BTG4: variants seen among roughly 807,000 people sequenced by gnomAD.
BTG4 encodes the protein protein BTG4.
A neutral mutation model predicts 19.3 loss-of-function variants in BTG4; 10 were observed. The ratio of observed to expected loss-of-function variants is 0.52; its 90% CI spans 0.32 to 0.88. The LOEUF (loss-of-function observed/expected upper bound fraction) is 0.88. Ranked by LOEUF, BTG4 falls within the 40% of genes least tolerant of loss-of-function variation. The pLI is 0.04. For synonymous variants in BTG4, 91 were observed against 95.7 expected (o/e 0.95, Z 0.29); for missense variants, 238 against 281.9 (o/e 0.84, Z 1.11).
the BTG4 span, among the ~76,000 whole-genome samples, chr11:111,449,068 G>A: frequency 2.6e-5 from 4 of 152,076 alleles, no homozygotes; most frequent in Admixed American, 1.3e-4. Flanking sequence ...GCCAACAAAT[G>A]TGCATGTGAA....
chr11:111,396,072 G>A, the BTG4 span, among the ~76,000 whole-genome samples: 1 of 152,216 alleles, frequency 6.6e-6, no homozygotes, highest in African/African-American at 2.4e-5. Context: ...TGCCCAGGAT[G>A]GTGGCAGGTG....
chr11:111,503,905 G>C (rs185420188), intron 1 of BTG4, among the ~76,000 whole-genome samples: 8 of 152,114 alleles, frequency 5.3e-5, no homozygotes, highest in Non-Finnish European at 1.2e-4. Flanking sequence ...TTGTCTTCTT[G>C]GTTTTTGCTA....
At chr11:111,432,808 T>C in the BTG4 span, among the ~76,000 whole-genome samples, 1 of 152,222 alleles carries the variant, frequency 6.6e-6, no homozygotes, top group Non-Finnish European at 1.5e-5. Flanking sequence ...AACCTTCATC[T>C]TCCTCAGAAA....
the BTG4 span, chr11:111,417,600 G>A: frequency 6.6e-6 from 1 of 152,194 alleles, no homozygotes; most frequent in Non-Finnish European, 1.5e-5. Context: ...GTGCTGGGTG[G>A]TCTGCAATCA....
intron 4 of BTG4, among the ~76,000 whole-genome samples, chr11:111,496,311 C>T (rs1435096762): frequency 6.6e-6 from 1 of 152,124 alleles, no homozygotes; most frequent in African/African-American, 2.4e-5. Flanking sequence ...CAACTTTCTA[C>T]ATGGTGTTTC....
the BTG4 span, among the ~76,000 whole-genome samples, chr11:111,413,961 C>T: frequency 2.0e-5 from 3 of 152,204 alleles, no homozygotes; most frequent in African/African-American, 4.8e-5. Flanking sequence ...TAAGACCCTC[C>T]CCTTCCCGCC....
the BTG4 span, among the ~76,000 whole-genome samples, chr11:111,395,813 C>T: frequency 2.0e-5 from 3 of 152,232 alleles, no homozygotes; most frequent in African/African-American, 7.2e-5. Flanking sequence ...TGGAGATGCG[C>T]TGCCCTAGGC....
At chr11:111,410,370 A>G in the BTG4 span, among the ~76,000 whole-genome samples, 1 of 152,154 alleles carries the variant, frequency 6.6e-6, no homozygotes, top group African/African-American at 2.4e-5. Flanking sequence ...TAGAGATTCA[A>G]GAATGGCCCC....
chr11:111,481,676 T>TA (rs932098719), intron 5 of BTG4, among the ~76,000 whole-genome samples: 3 of 151,836 alleles, frequency 2.0e-5, no homozygotes, highest in Admixed American at 6.6e-5. Context: ...GTATATTTTT[T>TA]AAAAAAATCA....
intron 1 of BTG4, among the ~76,000 whole-genome samples, chr11:111,508,311 C>G (rs11213931): frequency 6.6e-6 from 1 of 151,756 alleles, no homozygotes; most frequent in Non-Finnish European, 1.5e-5. Flanking sequence ...TAAAACAACA[C>G]ATTGTATACA....
chr11:111,395,402 C>G, the BTG4 span, among the ~76,000 whole-genome samples: 1 of 149,400 alleles, frequency 6.7e-6, no homozygotes. Flanking sequence ...TCCCGGCAAC[C>G]CCAGCAGAGC....
chr11:111,388,418 T>G, the BTG4 span, among the ~76,000 whole-genome samples: 1 of 152,070 alleles, frequency 6.6e-6, no homozygotes, highest in Non-Finnish European at 1.5e-5. Flanking sequence ...GTCCTTCCTT[T>G]TTTCTCATGA....
chr11:111,430,249 T>C, the BTG4 span, among the ~76,000 whole-genome samples: 1 of 152,228 alleles, frequency 6.6e-6, no homozygotes, highest in Non-Finnish European at 1.5e-5. Flanking sequence ...TCAATTGATA[T>C]ATGTAAGCTG....
At chr11:111,453,554 C>A in the BTG4 span, 2 of 456,214 alleles carry the variant, frequency 4.4e-6, no homozygotes, top group South Asian at 3.1e-5. Context: ...CACCAAGACT[C>A]TGACGCCCCC....
chr11:111,389,331 A>G, the BTG4 span, among the ~76,000 whole-genome samples: 1 of 152,182 alleles, frequency 6.6e-6, no homozygotes, highest in Non-Finnish European at 1.5e-5. Flanking sequence ...AGAAAGAGAT[A>G]ACGACAACTC....
chr11:111,411,329 T>C, the BTG4 span, among the ~76,000 whole-genome samples: 58,315 of 151,906 alleles, frequency 0.38, 11,628 homozygotes, highest in Admixed American at 0.49. Context: ...CCCTTGCCGC[T>C]CCTTGAACAG....
the BTG4 span, chr11:111,454,321 G>A: frequency 4.4e-6 from 2 of 456,236 alleles, no homozygotes; most frequent in Non-Finnish European, 8.8e-6. Context: ...GGCAGTCTCT[G>A]TCAGTGACAG....
intron 5 of BTG4, among the ~76,000 whole-genome samples, chr11:111,478,071 C>T (rs2135559885): frequency 6.6e-6 from 1 of 152,202 alleles, no homozygotes; most frequent in South Asian, 2.1e-4. Flanking sequence ...CTAGACATCC[C>T]CACACCTGGC....
At chr11:111,384,845 C>G in the BTG4 span, 1 of 152,060 alleles carries the variant, frequency 6.6e-6, no homozygotes, top group Non-Finnish European at 1.5e-5. Flanking sequence ...CATGATTACA[C>G]AAGTCCAGAG....
Sources: allele counts gnomAD v4.1 joint callset (sites outside exome capture counted in the v4.1 genomes callset), GRCh38; gene constraint gnomAD v4.1.1; transcripts MANE v1.5; gene names NCBI Gene and HGNC (gene_info 2026-07-23, HGNC 2026-07-21).